Variants in SLC6A3 observed in about 807,000 individuals in gnomAD.
SLC6A3 encodes sodium-dependent dopamine transporter.
Under a neutral mutation model 70.4 loss-of-function variants are expected in SLC6A3, and 19 were observed. The observed-to-expected ratio is 0.27, with a 90% CI of 0.19 to 0.40. The LOEUF (loss-of-function observed/expected upper bound fraction) is 0.40, where lower values mean the gene tolerates loss of function less well. SLC6A3 is among the 10% of genes least tolerant of loss of function. The probability of loss-of-function intolerance (pLI) is 1.00; values close to 1 mark genes in which losing one functional copy is unlikely to be tolerated. For synonymous variants in SLC6A3, 368 were observed against 356.6 expected (o/e 1.03, Z -0.36); for missense variants, 613 against 838.5 (o/e 0.73, Z 3.32).
Position 1,405,667 on chromosome 5 carries a change from G to A in SLC6A3, c.1599+521C>T, listed in dbSNP as rs1755959922. 6.6e-6 allele frequency among the ~76,000 whole-genome samples: 1 copy of A among 152,214 alleles called. No homozygotes were observed. Among genetic ancestry groups the A allele is most frequent in the African/African-American group, 2.4e-5 (1 of 41,458 alleles). On this transcript the variant is annotated intron_variant, in intron 12 of 14. Coordinates refer to ENST00000270349, the MANE Select transcript of SLC6A3 (RefSeq NM_001044.5). The surrounding 1 kb of genome is among the most constrained non-coding windows in gnomAD (Gnocchi z 5.3). ...CTATTTACAAACACCAGCGTCCGAC[G>A]GCCTTGCCCGGTGGGCCCTGACTCG...
At chr5:1,439,179 T>G in intron 3 of SLC6A3, among the ~76,000 whole-genome samples, 1 of 152,156 alleles carries the variant, frequency 6.6e-6, no homozygotes, top group Non-Finnish European at 1.5e-5. Context: ...GGACCTGATA[T>G]CAGGGACCTG....
intron 7 of SLC6A3, 112 bp from the exon 8 acceptor site, chr5:1,414,927 G>A (rs1756247390): frequency 2.9e-6 from 4 of 1,395,028 alleles, no homozygotes; most frequent in Non-Finnish European, 4.0e-6. Flanking sequence ...GAGGTCTTCG[G>A]AGGGGCTACT....
At chr5:1,416,420 T>A in intron 6 of SLC6A3, 1 of 609,116 alleles carries the variant, frequency 1.6e-6, no homozygotes, top group Non-Finnish European at 2.9e-6. Context: ...CAGGGGGCTG[T>A]CTGTGTTCAT....
At chr5:1,432,860 C>T (rs1458098870) in intron 3 of SLC6A3, among the ~76,000 whole-genome samples, 162 bp from the exon 4 acceptor site, 1 of 152,100 alleles carries the variant, frequency 6.6e-6, no homozygotes, top group Non-Finnish European at 1.5e-5. Flanking sequence ...CAGGGAAGGC[C>T]CGTGAAAGGC....
intron 4 of SLC6A3, among the ~76,000 whole-genome samples, chr5:1,429,586 C>T (rs1296363721): frequency 2.0e-5 from 3 of 152,250 alleles, no homozygotes; most frequent in Admixed American, 6.5e-5. Context: ...CTCTCCAATT[C>T]TGTTATCTGA....
rs748099022 is a variant in SLC6A3, at chr5:1,394,714, G to A, written c.*21C>T. On this transcript the variant is annotated 3_prime_UTR_variant, in exon 15 of 15. Transcript: ENST00000270349. This position sits in a 1 kb window ranked among gnomAD's most constrained non-coding sequence, Gnocchi z 4.7. ...TCTCCCATTGCAGGATGACTTCCTG[G>A]GGTCTTCGTCTCTGCTCCCTCTACA... 1.9e-6 allele frequency: 3 copies of A among 1,612,990 alleles called. No homozygotes were observed. The highest frequency in any genetic ancestry group is 2.5e-6 in the Non-Finnish European group (3 of 1,179,168).
In SLC6A3 at chr5:1,401,717, T is replaced by C. The variant is rs1291478375; in HGVS notation, c.1768-731A>G. On this transcript the variant is annotated intron_variant, in intron 13 of 14. Transcript: ENST00000270349. The surrounding 1 kb of genome is among the most constrained non-coding windows in gnomAD (Gnocchi z 6.1). Reference sequence around the variant, plus strand: ...ATGCGAGGGGTAAGGGCGCTGGCTGTTCAGGTCCGCCGGGCTGTAGGCATC... The same window carrying C: ...ATGCGAGGGGTAAGGGCGCTGGCTGCTCAGGTCCGCCGGGCTGTAGGCATC... 1.3e-5 allele frequency among the ~76,000 whole-genome samples: 2 copies of C among 152,228 alleles called. No individual in the cohort carries two copies. The highest frequency in any genetic ancestry group is 2.9e-5 in the Non-Finnish European group (2 of 68,034).
Position 1,414,755 on chromosome 5 carries a change from G to A in SLC6A3, c.1092C>T (p.Val364=). 1 of 1,612,950 alleles carries A rather than the reference G, an allele frequency of 6.2e-7. No homozygotes were observed. The highest frequency in any genetic ancestry group is 8.5e-7 in the Non-Finnish European group (1 of 1,179,906). The change falls in exon 8 of 15, where the codon GTC becomes GTT. Residue 364 remains valine (V), a synonymous_variant. Transcript: ENST00000270349. ...SLTSFSSGFV[V]FSFLGYMAQK... ...GTGCCATGTACCCCAGGAAGGAGAA[G>A]ACGACGAAGCCGGAGGAGAAGCTCG...
chr5:1,422,478 C>T (rs1489785655), intron 4 of SLC6A3, among the ~76,000 whole-genome samples: 3 of 143,096 alleles, frequency 2.1e-5, no homozygotes, highest in Non-Finnish European at 3.1e-5. Flanking sequence ...GGGTGCCCAC[C>T]GCTGCCCACA....
intron 1 of SLC6A3, among the ~76,000 whole-genome samples, chr5:1,444,072 C>T (rs1260483060): frequency 2.0e-5 from 3 of 152,150 alleles, no homozygotes; most frequent in Non-Finnish European, 2.9e-5. Flanking sequence ...AGAGTTTAGA[C>T]ATAACCATCA....
chr5:1,442,866 AC>A lies in SLC6A3; in HGVS notation c.286+45del, dbSNP rs764704490. 6.2e-7 allele frequency: 1 copy of A among 1,607,546 alleles called. No individual in the cohort carries two copies. Among genetic ancestry groups the A allele is most frequent in the East Asian group, 2.2e-5 (1 of 44,806 alleles). On this transcript the variant is annotated intron_variant, in intron 2 of 14. Coordinates refer to ENST00000270349, the MANE Select transcript of SLC6A3 (RefSeq NM_001044.5). The surrounding 1 kb of genome is among the most constrained non-coding windows in gnomAD (Gnocchi z 5.0). ...TGCCTTGGCCCCGGCTGCCCCTACG[AC>A]CCCCGCCCGGCCAGCATGCTCAGGG...
chr5:1,396,834 C>T lies in SLC6A3; in HGVS notation c.1840-2076G>A, dbSNP rs1247103759. Among the ~76,000 whole-genome samples the T allele has an allele frequency of 6.6e-6, 1 of 151,996 alleles. No homozygotes were observed. The highest frequency in any genetic ancestry group is 1.9e-4 in the East Asian group (1 of 5,194). On this transcript the variant is annotated intron_variant, in intron 14 of 14. Transcript: ENST00000270349. The surrounding 1 kb of genome is among the most constrained non-coding windows in gnomAD (Gnocchi z 7.0). Reference sequence around the variant, plus strand: ...TTAGGGCTACACCAAATGCTGAAGCCAAATAATACACTTTTTAGGAAGCTA... The same window carrying T: ...TTAGGGCTACACCAAATGCTGAAGCTAAATAATACACTTTTTAGGAAGCTA...
At chr5:1,424,228 A>G (rs968529645) in intron 4 of SLC6A3, among the ~76,000 whole-genome samples, 5 of 152,232 alleles carry the variant, frequency 3.3e-5, no homozygotes, top group Admixed American at 3.3e-4. Context: ...CCGCTCAGTC[A>G]AGAGGCTATC....
Position 1,443,190 on chromosome 5 carries a change from T to C in SLC6A3, c.8A>G (p.Lys3Arg). 6.2e-7 allele frequency: 1 copy of C among 1,614,230 alleles called. No homozygotes were observed. MS[K>R]SKCSVGLMSS... ...CATGAGTCCCACGGAGCATTTGCTCTTACTCATGGGCACACTGGGAGTTGA... is the reference window on the plus strand; with the variant it reads ...CATGAGTCCCACGGAGCATTTGCTCCTACTCATGGGCACACTGGGAGTTGA... Residue 3 changes from lysine (K) to arginine (R), a missense_variant, in exon 2 of 15, where the codon AAG (lysine) becomes AGG (arginine). Physicochemically the swap from Lys to Arg is conservative, Grantham distance 26. Transcript: ENST00000270349.
rs536778159 is a variant in SLC6A3 at position 1,421,249 on chromosome 5, C to T, written c.793-546G>A. Among the ~76,000 whole-genome samples the T allele has an allele frequency of 2.9e-4, 44 of 150,390 alleles. No homozygotes were observed. In the South Asian group the frequency reaches 4.4e-3, roughly 15 times the overall value. On this transcript the variant is annotated intron_variant, in intron 5 of 14. Coordinates refer to ENST00000270349, the MANE Select transcript of SLC6A3 (RefSeq NM_001044.5). The surrounding 1 kb of genome is among the most constrained non-coding windows in gnomAD (Gnocchi z 7.2). ...CTGGAGTGCAGTGGCATGATCTTGG[C>T]TCACTGCAACCTCCGCCTCCTGGGT... is the stretch of plus-strand genomic sequence containing the variant.
chr5:1,408,894 C>T lies in SLC6A3; in HGVS notation c.1498+132G>A, dbSNP rs866806421. ...ACCAGTGCCAAGCCTCTCCCCTCTGCGGAGCTGTGATGACCACAACCCAGG... is the reference window on the plus strand; with the variant it reads ...ACCAGTGCCAAGCCTCTCCCCTCTGTGGAGCTGTGATGACCACAACCCAGG... On this transcript the variant is annotated intron_variant, in intron 11 of 14. Transcript: ENST00000270349. The surrounding 1 kb of genome is among the most constrained non-coding windows in gnomAD (Gnocchi z 6.4). 33 of 714,152 alleles carry T rather than the reference C, an allele frequency of 4.6e-5. No individual in the cohort carries two copies. Among genetic ancestry groups the T allele is most frequent in the Middle Eastern group, 3.5e-4 (1 of 2,818 alleles). The allele number at this position is 714,152 out of a possible 1,614,324, so 44.2% of individuals were successfully genotyped here. A position where few individuals can be genotyped will look rare whatever the true frequency, so the allele number is the denominator to read the frequency against.
Position 1,393,728 on chromosome 5 carries a change from G to A in SLC6A3, c.*1007C>T. 7.6e-6 allele frequency: 1 copy of A among 131,802 alleles called. No individual in the cohort carries two copies. 8.2% of individuals were successfully genotyped at this position (131,802 alleles called of 1,614,324 possible). On this transcript the variant is annotated 3_prime_UTR_variant, in exon 15 of 15. Transcript: ENST00000270349. Reference sequence around the variant, plus strand: ...GGGGGCCCTGCATGCGTCCGGTCCGGGGATAGGACACGCTCCTGTGGGGGC... The same window carrying A: ...GGGGGCCCTGCATGCGTCCGGTCCGAGGATAGGACACGCTCCTGTGGGGGC...
At position 1,409,053 on chromosome 5, in the gene SLC6A3, C is replaced by G; in HGVS notation, c.1471G>C (p.Glu491Gln). The G allele has an allele frequency of 1.2e-6, 2 of 1,612,932 alleles. No homozygotes were observed. The highest frequency in any genetic ancestry group is 1.7e-6 in the Non-Finnish European group (2 of 1,179,844). Residue 491 changes from glutamate to glutamine, a missense_variant, in exon 11 of 15, where the codon GAA becomes CAA. Transcript: ENST00000270349. ...GTSILFGVLIEAIGVAWFYGV... is the reference protein window; with the variant it reads ...GTSILFGVLIQAIGVAWFYGV... The stretch of plus-strand genomic sequence containing the variant: ...TAGAACCAGGCCACTCCGATGGCTT[C>G]GATGAGCACTCCAAAGAGGATGGAC...
chr5:1,420,609 G>A lies in SLC6A3; in HGVS notation c.887C>T (p.Ala296Val), dbSNP rs1205094941. 6 of 1,613,526 alleles carry A rather than the reference G, an allele frequency of 3.7e-6. No homozygotes were observed. Among genetic ancestry groups the A allele is most frequent in the Non-Finnish European group, 5.1e-6 (6 of 1,180,042 alleles). ...TLPGAIDGIRAYLSVDFYRLC... is the reference protein window; with the variant it reads ...TLPGAIDGIRVYLSVDFYRLC... Reference sequence around the variant, plus strand: ...CCGGTAGAAGTCAACGCTCAGGTATGCTCTGATGCCGTCTATGGCTCCAGG... The same window carrying A: ...CCGGTAGAAGTCAACGCTCAGGTATACTCTGATGCCGTCTATGGCTCCAGG... The change falls in exon 6 of 15, where the codon GCA becomes GTA. Residue 296 changes from alanine (A) to valine (V), a missense_variant. Physicochemically the swap from Ala to Val is moderately conservative, Grantham distance 64. Transcript: ENST00000270349.
Sources: allele counts gnomAD v4.1 joint callset (sites outside exome capture counted in the v4.1 genomes callset), GRCh38; gene constraint gnomAD v4.1.1; non-coding constraint Gnocchi (gnomAD v3.1); transcripts MANE v1.5; gene names NCBI Gene and HGNC (gene_info 2026-07-23, HGNC 2026-07-21).